Variants in DOCK4 observed in about 807,000 individuals in gnomAD.
DOCK4 encodes the protein dedicator of cytokinesis protein 4.
DOCK4 carries 97 observed loss-of-function variants against 268.1 expected under a neutral mutation model. The ratio of observed to expected loss-of-function variants is 0.36; its 90% CI spans 0.31 to 0.43. The LOEUF (loss-of-function observed/expected upper bound fraction) is 0.43. Among genes scored for constraint, DOCK4 ranks in the 20% least tolerant of loss-of-function variants. DOCK4 has a pLI of 1.00. For missense variants in DOCK4, 2,145 were observed against 2,455.7 expected, an observed-to-expected ratio of 0.87 and a Z score of 2.67; for synonymous variants, 954 against 887.2, an observed-to-expected ratio of 1.08 and a Z score of -1.34.
At chr7:111,911,532 A>C (rs763754) in intron 13 of DOCK4, among the ~76,000 whole-genome samples, 38,435 of 152,104 alleles carry the variant, frequency 0.25, 5,330 homozygotes, top group African/African-American at 0.38. Flanking sequence ...TACTCCCCTG[A>C]ACTACAGACA....
intron 32 of DOCK4, among the ~76,000 whole-genome samples, chr7:111,787,871 A>G (rs1237509272): frequency 6.6e-6 from 1 of 152,258 alleles, no homozygotes; most frequent in Non-Finnish European, 1.5e-5. Context: ...AAAAAGAAAT[A>G]CTTTGCACAT....
chr7:111,962,129 T>C lies in DOCK4; in HGVS notation c.701+15003A>G, dbSNP rs200113623. 2.6e-5 allele frequency among the ~76,000 whole-genome samples: 4 copies of C among 152,296 alleles called. No homozygotes were observed. The East Asian group carries it at 7.7e-4, about 29-fold the overall frequency. ...CATTGCGGAAGTATTTTAAAGCAAA[T>C]CACACCTCTGATTCCATTTTACCTT... On this transcript the variant is annotated intron_variant, in intron 8 of 52. Transcript: ENST00000428084.
intron 36 of DOCK4, among the ~76,000 whole-genome samples, chr7:111,775,335 G>A (rs1468072632): frequency 2.0e-5 from 3 of 152,182 alleles, no homozygotes; most frequent in Non-Finnish European, 2.9e-5. Flanking sequence ...GAAGAACAAT[G>A]TGGCAAAGGA....
chr7:112,150,474 C>T (rs767939493), intron 1 of DOCK4, among the ~76,000 whole-genome samples: 53 of 152,124 alleles, frequency 3.5e-4, no homozygotes, highest in Admixed American at 2.6e-3. Context: ...TTGCTTTACC[C>T]CCACACGTAG....
At chr7:112,097,342 G>A (rs1194706834) in intron 1 of DOCK4, among the ~76,000 whole-genome samples, 1 of 152,148 alleles carries the variant, frequency 6.6e-6, no homozygotes, top group Non-Finnish European at 1.5e-5. Context: ...GGGAGGCCGT[G>A]GTGGGAAGAC....
At chr7:112,187,897 G>GA (rs1433880561) in intron 1 of DOCK4, among the ~76,000 whole-genome samples, 1 of 152,030 alleles carries the variant, frequency 6.6e-6, no homozygotes, top group Non-Finnish European at 1.5e-5. Flanking sequence ...AAGACTTTCA[G>GA]AAAAAATAAG....
chr7:111,885,004 G>A (rs1198344041), intron 16 of DOCK4, among the ~76,000 whole-genome samples: 1 of 152,192 alleles, frequency 6.6e-6, no homozygotes, highest in Non-Finnish European at 1.5e-5. Context: ...CTGTGAGTGA[G>A]ATTTTGAACT....
chr7:112,026,128 T>C (rs565566930), intron 1 of DOCK4, among the ~76,000 whole-genome samples: 1 of 152,258 alleles, frequency 6.6e-6, no homozygotes, highest in Non-Finnish European at 1.5e-5. Context: ...ACCTGTGCCC[T>C]ACAACAGGGG....
chr7:112,126,152 A>C (rs987508070), intron 1 of DOCK4, among the ~76,000 whole-genome samples: 1 of 152,244 alleles, frequency 6.6e-6, no homozygotes, highest in Admixed American at 6.5e-5. Flanking sequence ...TCTCTTCTGC[A>C]AAACGAGTGA....
rs1219192201 is a variant in DOCK4, at chr7:111,809,305, C to G, written c.3103G>C (p.Glu1035Gln). The change falls in exon 29 of 53, where the codon GAA becomes CAA. Residue 1035 changes from glutamate (E) to glutamine (Q), a missense_variant. Glu to Gln is a conservative substitution (Grantham distance 29). Transcript: ENST00000428084. ...FTPSKKKKVL[E>Q]KYGDMRVTMG... is the part of the protein sequence containing the mutation. ...TGATTATACACTGATACTTACTTTT[C>G]TAACACCTTTTTCTTCTTGGAAGGT... The G allele has an allele frequency of 6.4e-7, 1 of 1,554,770 alleles. No homozygotes were observed. The highest frequency in any genetic ancestry group is 1.2e-5 in the South Asian group (1 of 84,306).
chr7:111,776,787 G>A (rs1403363621), intron 36 of DOCK4, among the ~76,000 whole-genome samples: 1 of 152,112 alleles, frequency 6.6e-6, no homozygotes, highest in Non-Finnish European at 1.5e-5. Flanking sequence ...AAGACAACCA[G>A]AAAAATGTTA....
chr7:111,801,128 C>G (rs771055185), intron 30 of DOCK4, among the ~76,000 whole-genome samples: 21 of 152,172 alleles, frequency 1.4e-4, no homozygotes, highest in Non-Finnish European at 2.2e-4. Context: ...TCATGGCCAC[C>G]TCCGGATAAC....
At chr7:111,862,643 A>G (rs1328193770) in intron 23 of DOCK4, among the ~76,000 whole-genome samples, 2 of 151,620 alleles carry the variant, frequency 1.3e-5, no homozygotes, top group African/African-American at 2.4e-5. Context: ...GGCACCTCTC[A>G]ACACACTCGG....
At chr7:112,021,781 T>C (rs2522217) in intron 1 of DOCK4, among the ~76,000 whole-genome samples, 1 of 151,978 alleles carries the variant, frequency 6.6e-6, no homozygotes, top group Non-Finnish European at 1.5e-5. Flanking sequence ...CAAACACAAC[T>C]ATACACAAAA....
chr7:112,136,725 C>G (rs1397196010), intron 1 of DOCK4, among the ~76,000 whole-genome samples: 1 of 152,124 alleles, frequency 6.6e-6, no homozygotes, highest in Non-Finnish European at 1.5e-5. Flanking sequence ...TTTTTGGAAA[C>G]AGACCACATT....
chr7:112,100,649 TG>T (rs1810597649), intron 1 of DOCK4, among the ~76,000 whole-genome samples: 1 of 152,248 alleles, frequency 6.6e-6, no homozygotes, highest in Non-Finnish European at 1.5e-5. Context: ...TATATCAAAG[TG>T]CATCAGACAT....
intron 30 of DOCK4, among the ~76,000 whole-genome samples, chr7:111,794,228 G>T (rs1026861104): frequency 6.6e-6 from 1 of 152,232 alleles, no homozygotes; most frequent in Non-Finnish European, 1.5e-5. Context: ...ATAGAAACAG[G>T]AGCCAACTTA....
At chr7:111,823,724 A>T (rs1802187663) in intron 26 of DOCK4, among the ~76,000 whole-genome samples, 2 of 152,220 alleles carry the variant, frequency 1.3e-5, no homozygotes, top group Admixed American at 1.3e-4. Flanking sequence ...AGGAAAATAT[A>T]TTTCTCTAAC....
At position 111,738,939 on chromosome 7, in the gene DOCK4, GAA is replaced by G. The variant is rs199522008; in HGVS notation, c.5232+193_5232+194del. Among the ~76,000 whole-genome samples the G allele has an allele frequency of 2.4e-4, 33 of 137,020 alleles. No homozygotes were observed. The East Asian group carries it at 5.2e-3, about 21-fold the overall frequency. The allele number at this position is 137,020 out of a possible 152,430, so 89.9% of individuals were successfully genotyped here. A position where few individuals can be genotyped will look rare whatever the true frequency, so the allele number is the denominator to read the frequency against. The stretch of plus-strand genomic sequence containing the variant: ...GGTGACAGCGAGATCCTGTCTCAAA[GAA>G]AAAAAAAAAAAGATGGCTCAGGCAG... On this transcript the variant is annotated intron_variant, in intron 49 of 52. Transcript: ENST00000428084.
Sources: allele counts gnomAD v4.1 joint callset (sites outside exome capture counted in the v4.1 genomes callset), GRCh38; gene constraint gnomAD v4.1.1; transcripts MANE v1.5; gene names NCBI Gene and HGNC (gene_info 2026-07-23, HGNC 2026-07-21).